The following OPHN1 variants were observed in gnomAD, a reference collection of about 807,000 sequenced individuals.
OPHN1 encodes the protein oligophrenin 1, also known as oligophrenin-1.
In OPHN1, 11 loss-of-function variants were observed where a neutral mutation model predicts 60.7. The ratio of observed to expected loss-of-function variants is 0.18; its 90% CI spans 0.11 to 0.30. The LOEUF is 0.30. Among genes scored for constraint, OPHN1 ranks in the 10% least tolerant of loss-of-function variants. OPHN1 has a pLI of 1.00. For synonymous variants in OPHN1, 226 were observed against 222.6 expected, an observed-to-expected ratio of 1.02 and a Z score of -0.14; for missense variants, 449 against 611.0, an observed-to-expected ratio of 0.73 and a Z score of 2.80.
intron 21 of OPHN1, among the ~76,000 whole-genome samples, chrX:68,057,290 A>G (rs2076877057): frequency 9.0e-6 from 1 of 111,618 alleles, no homozygotes; most frequent in South Asian, 3.8e-4. Flanking sequence ...GTATTTTTAA[A>G]AGCTTCCCAA....
intron 15 of OPHN1, among the ~76,000 whole-genome samples, chrX:68,175,061 C>A (rs758963469): frequency 9.3e-6 from 1 of 107,863 alleles, no homozygotes; most frequent in Non-Finnish European, 1.9e-5. Flanking sequence ...TCCAGCCTAG[C>A]GACAGAGCGA....
chrX:68,304,223 T>A (rs2078134751), intron 2 of OPHN1, among the ~76,000 whole-genome samples: 1 of 111,384 alleles, frequency 9.0e-6, no homozygotes. Context: ...AAAATGTTTA[T>A]CAATCTTTTA....
At chrX:68,191,826 A>C (rs771047965) in intron 15 of OPHN1, among the ~76,000 whole-genome samples, 1 of 111,589 alleles carries the variant, frequency 9.0e-6, no homozygotes, top group East Asian at 2.8e-4. Flanking sequence ...TATGTGGAAA[A>C]AGAGCTCAAC....
chrX:68,113,708 G>C (rs912466052), intron 16 of OPHN1, among the ~76,000 whole-genome samples: 3 of 105,579 alleles, frequency 2.8e-5, no homozygotes, highest in Non-Finnish European at 5.8e-5. Context: ...GTAAACTATC[G>C]CAAGGACAAA....
intron 2 of OPHN1, among the ~76,000 whole-genome samples, chrX:68,373,598 G>A (rs2078540571): frequency 9.0e-6 from 1 of 111,163 alleles, no homozygotes; most frequent in Non-Finnish European, 1.9e-5. Flanking sequence ...ACTGGCCCAC[G>A]TACTCCAACA....
intron 5 of OPHN1, among the ~76,000 whole-genome samples, chrX:68,245,271 C>G (rs139762320): frequency 1.8e-5 from 2 of 111,459 alleles, no homozygotes; most frequent in East Asian, 2.8e-4. Context: ...TGCAGTCTCA[C>G]GCCAATCTAC....
At chrX:68,088,470 G>A (rs1296182690) in intron 19 of OPHN1, among the ~76,000 whole-genome samples, 1 of 111,604 alleles carries the variant, frequency 9.0e-6, no homozygotes, top group Non-Finnish European at 1.9e-5. Context: ...CTTAAGATGC[G>A]TTTAGGTTGG....
chrX:68,238,645 T>G (rs756922183), intron 5 of OPHN1, among the ~76,000 whole-genome samples: 1 of 111,846 alleles, frequency 8.9e-6, no homozygotes, highest in South Asian at 3.7e-4. Context: ...TTCTGCATAT[T>G]TTAGTTGTTA....
At chrX:68,331,834 G>A (rs2078296664) in intron 2 of OPHN1, among the ~76,000 whole-genome samples, 1 of 109,608 alleles carries the variant, frequency 9.1e-6, no homozygotes, top group African/African-American at 3.3e-5. Context: ...AAGAGATCGA[G>A]ACCAATCTGG....
rs1186680662 is a variant in OPHN1 at position 68,307,583 on chromosome X, A to C, written c.155-8487T>G. On this transcript the variant is annotated intron_variant, in intron 2 of 24. Transcript: ENST00000355520. ...CTATAGAAAATTGTTCTGAGATATT[A>C]GTGCCAAAGGTACTGATCAACCCAG... is the stretch of plus-strand genomic sequence containing the variant. 2.7e-5 allele frequency among the ~76,000 whole-genome samples: 3 copies of C among 111,544 alleles called. No individual in the cohort carries two copies. In the Admixed American group the frequency reaches 2.9e-4, roughly 11 times the overall value.
intron 21 of OPHN1, among the ~76,000 whole-genome samples, chrX:68,060,950 T>G (rs750391339): frequency 3.6e-5 from 4 of 111,644 alleles, no homozygotes; most frequent in Non-Finnish European, 7.5e-5. Flanking sequence ...TGCCAGGGAA[T>G]CTACTAGGAG....
At chrX:68,048,615 C>T (rs1267436943) in intron 23 of OPHN1, among the ~76,000 whole-genome samples, 158 bp from the exon 24 acceptor site, 3 of 112,206 alleles carry the variant, frequency 2.7e-5, no homozygotes, top group Non-Finnish European at 5.6e-5. Flanking sequence ...TAGCTCCATG[C>T]TTATAGTTGG....
rs1470734693 is a variant in OPHN1 at position 68,317,639 on chromosome X, GAAA to G, written c.155-18546_155-18544del. On this transcript the variant is annotated intron_variant, in intron 2 of 24. Transcript: ENST00000355520. ...GGAGTGAGGGAAGGAGAAAAGAAAAGAAAAAGAAGAAGAAGAAGAGAAGGAGGA... is the reference window on the plus strand; with the variant it reads ...GGAGTGAGGGAAGGAGAAAAGAAAAGAAGAAGAAGAAGAAGAGAAGGAGGA... Among the ~76,000 whole-genome samples the G allele has an allele frequency of 6.9e-5, 5 of 72,535 alleles. No homozygotes were observed. The East Asian group carries it at 2.2e-3, about 31-fold the overall frequency. The allele number at this position is 72,535 out of a possible 115,157, so 63.0% of individuals were successfully genotyped here. A position where few individuals can be genotyped will look rare whatever the true frequency, so the allele number is the denominator to read the frequency against.
chrX:68,113,082 G>A, intron 17 of OPHN1, 99 bp downstream of exon 17: 1 of 656,021 alleles, frequency 1.5e-6, no homozygotes, highest in South Asian at 2.4e-5. Flanking sequence ...TTAGGTTTCT[G>A]TGCCCTCAAT....
chrX:68,232,545 C>T (rs1023774618), intron 6 of OPHN1, among the ~76,000 whole-genome samples: 1 of 111,701 alleles, frequency 9.0e-6, no homozygotes, highest in African/African-American at 3.3e-5. Flanking sequence ...CACAGGCACA[C>T]TCTGCCCAGC....
chrX:68,239,509 C>G (rs1428297174), intron 5 of OPHN1, among the ~76,000 whole-genome samples: 1 of 111,363 alleles, frequency 9.0e-6, no homozygotes, highest in Non-Finnish European at 1.9e-5. Context: ...AGCCAGGGAC[C>G]GGGCCTTTCT....
At chrX:68,265,512 C>T (rs1179498265) in intron 5 of OPHN1, among the ~76,000 whole-genome samples, 5 of 111,719 alleles carry the variant, frequency 4.5e-5, no homozygotes, top group Non-Finnish European at 9.4e-5. Context: ...GACATCCACA[C>T]CAAAACCCCA....
At chrX:68,065,582 G>T (rs1014969180) in intron 20 of OPHN1, among the ~76,000 whole-genome samples, 2 of 111,792 alleles carry the variant, frequency 1.8e-5, no homozygotes, top group Non-Finnish European at 3.8e-5. Flanking sequence ...AAGCCAGGTG[G>T]CCAGGTCTGA....
chrX:68,203,741 C>T (rs1284252841), intron 10 of OPHN1, among the ~76,000 whole-genome samples: 1 of 111,943 alleles, frequency 8.9e-6, no homozygotes. Context: ...ACATACATAT[C>T]ATGCTATTTC....
Sources: gnomAD v4.1 joint callset for allele counts (sites outside exome capture counted in the v4.1 genomes callset) on GRCh38, gnomAD v4.1.1 for gene constraint, MANE v1.5 for transcripts, NCBI Gene and HGNC (gene_info 2026-07-23, HGNC 2026-07-21) for gene names.